ZNF335: variants seen among roughly 807,000 people sequenced by gnomAD.
The protein encoded by ZNF335 is zinc finger protein 335.
ZNF335 carries 84 observed loss-of-function variants against 145.6 expected under a neutral mutation model. The observed-to-expected ratio is 0.58, with a 90% CI of 0.48 to 0.69. The LOEUF is 0.69. Among genes scored for constraint, ZNF335 ranks in the 30% least tolerant of loss-of-function variants. The pLI, the probability that ZNF335 is intolerant of heterozygous loss-of-function variation, is 0.00. For missense variants in ZNF335, 1,865 were observed against 1,809.7 expected, an observed-to-expected ratio of 1.03 and a Z score of -0.55; for synonymous variants, 761 against 717.0, an observed-to-expected ratio of 1.06 and a Z score of -0.98.
rs1341906200 is a variant in ZNF335 at position 45,971,275 on chromosome 20, G to C, written c.136C>G (p.Pro46Ala). 6.4e-7 allele frequency: 1 copy of C among 1,572,864 alleles called. No individual in the cohort carries two copies. The highest frequency in any genetic ancestry group is 1.8e-5 in the Admixed American group (1 of 55,686). The change falls in exon 2 of 28, where the codon CCG becomes GCG. Residue 46 changes from proline (P) to alanine (A), a missense_variant. Pro to Ala is a conservative substitution (Grantham distance 27). Coordinates refer to ENST00000322927, the MANE Select transcript of ZNF335 (RefSeq NM_022095.4). The part of the protein sequence containing the change: ...SADSSDAAAA[P>A]GQAEADDSGV... ...GAGTCATCGGCCTCTGCCTGCCCCG[G>C]GGCGGCCGCGGCGTCGCTGCTGTCG...
chr20:45,960,606 TCCCA>T lies in ZNF335; in HGVS notation c.1782+6_1782+9del. ...CCCTCCTCTCAGCCCCAGCCCTGGC[TCCCA>T]CCCACCTTGTCACACATGTGGGGCT... On this transcript the variant is annotated splice_donor_region_variant and intron_variant, in intron 12 of 27. Transcript: ENST00000322927. 1 of 1,613,988 alleles carries T rather than the reference TCCCA, an allele frequency of 6.2e-7. No individual in the cohort carries two copies. Among genetic ancestry groups the T allele is most frequent in the Non-Finnish European group, 8.5e-7 (1 of 1,179,950 alleles).
chr20:45,960,779 G>A lies in ZNF335; in HGVS notation c.1666-47C>T, dbSNP rs777444605. ...CCAGATGGAGAAAGAAGTGGAGGAG[G>A]GAGGATAAAACCTCCCCTCTTGTCC... On this transcript the variant is annotated intron_variant, in intron 11 of 27. Coordinates refer to ENST00000322927, the MANE Select transcript of ZNF335 (RefSeq NM_022095.4). 7 of 1,612,186 alleles carry A rather than the reference G, an allele frequency of 4.3e-6. No homozygotes were observed. The African/African-American group carries it at 8.0e-5, about 18-fold the overall frequency.
chr20:45,969,765 T>C, intron 2 of ZNF335, 74 bp from the exon 3 acceptor site: 1 of 1,560,504 alleles, frequency 6.4e-7, no homozygotes, highest in Non-Finnish European at 8.7e-7. Context: ...CAGCTCCCAC[T>C]TGCTAGACAG....
At chr20:45,951,154 A>G (rs2083624243) in intron 20 of ZNF335, among the ~76,000 whole-genome samples, 1 of 152,212 alleles carries the variant, frequency 6.6e-6, no homozygotes, top group African/African-American at 2.4e-5. Flanking sequence ...GGCCTCCCAA[A>G]GTGCTGGGAT....
Position 45,971,398 on chromosome 20 carries a change from C to T in ZNF335, c.13G>A (p.Glu5Lys), listed in dbSNP as rs777519282. The change falls in exon 2 of 28, where the codon GAG becomes AAG. Residue 5 changes from glutamate to lysine, a missense_variant. Glu to Lys is a moderately conservative substitution (Grantham distance 56). Transcript: ENST00000322927. MEEN[E>K]VESSSDAAPG... ...GCCGCGTCGCTGCTGCTCTCCACCT[C>T]GTTCTCCTCCATCTGATCGGCGGGC... The T allele has an allele frequency of 5.0e-6, 8 of 1,600,480 alleles. No individual in the cohort carries two copies. Among genetic ancestry groups the T allele is most frequent in the Non-Finnish European group, 1.7e-6 (2 of 1,179,760 alleles).
intron 9 of ZNF335, among the ~76,000 whole-genome samples, chr20:45,963,201 G>A (rs532739670): frequency 1.2e-3 from 187 of 152,258 alleles, no homozygotes; most frequent in South Asian, 3.5e-3. Context: ...GTTTTATGGC[G>A]TCTGTGGTGG....
rs2083648709 is a variant in ZNF335, at chr20:45,952,321, G to A, written c.3015C>T (p.Pro1005=). The A allele has an allele frequency of 6.2e-7, 1 of 1,613,442 alleles. No homozygotes were observed. Residue 1005 remains proline (P), a synonymous_variant, in exon 20 of 28, where the codon CCC becomes CCT. Coordinates refer to ENST00000322927, the MANE Select transcript of ZNF335 (RefSeq NM_022095.4). ...ATSKALGLAV[P]PSPPSAATAA... ...CAGTGGCTGCAGATGGCGGTGACGG[G>A]GGCACTGCCAGGCCCAGGGCTTTGC... is the stretch of plus-strand genomic sequence containing the variant.
intron 10 of ZNF335, 135 bp from the exon 11 acceptor site, chr20:45,961,017 C>T (rs1272062016): frequency 4.2e-6 from 5 of 1,195,526 alleles, no homozygotes; most frequent in African/African-American, 1.5e-5. Flanking sequence ...TAGTGCTTCC[C>T]CAGCTGGAGT....
intron 6 of ZNF335, chr20:45,966,786 C>T (rs2083962682): frequency 6.6e-6 from 1 of 151,416 alleles, no homozygotes; most frequent in Non-Finnish European, 1.5e-5. Flanking sequence ...CTCCTGACCT[C>T]AAGTAATCTG....
At chr20:45,967,358 C>T (rs2083974257) in intron 6 of ZNF335, 136 bp downstream of exon 6, 1 of 1,375,176 alleles carries the variant, frequency 7.3e-7, no homozygotes. Flanking sequence ...CAGAGCACAA[C>T]CTCCTCTGTC....
chr20:45,963,784 G>A lies in ZNF335; in HGVS notation c.1309C>T (p.Arg437Cys), dbSNP rs935468654. The change falls in exon 8 of 28, where the codon CGC becomes TGC. Residue 437 changes from arginine (R) to cysteine (C), a missense_variant. Physicochemically the swap from Arg to Cys is radical, Grantham distance 180. Transcript: ENST00000322927. ...AAGCGCCTGGAAGGTCGACCTCGGCGCCGGGGCAGAGTGTCATGCTCATCC... is the reference window on the plus strand; with the variant it reads ...AAGCGCCTGGAAGGTCGACCTCGGCACCGGGGCAGAGTGTCATGCTCATCC... ...CPDEHDTLPR[R>C]RGRPSRRFLG... The A allele has an allele frequency of 1.9e-6, 3 of 1,614,006 alleles. No homozygotes were observed. Among genetic ancestry groups the A allele is most frequent in the Admixed American group, 1.7e-5 (1 of 60,006 alleles).
chr20:45,969,316 G>T, intron 3 of ZNF335, 135 bp downstream of exon 3: 1 of 1,155,332 alleles, frequency 8.7e-7, no homozygotes, highest in Non-Finnish European at 1.1e-6. Flanking sequence ...ACCACCATGA[G>T]ACAGGGGTGA....
rs773903393 is a variant in ZNF335, at chr20:45,967,461, G to A, written c.955+33C>T. ...CAGTGAGTATGTCTAGATGGGCATA[G>A]GGATGGCAGGCCTAGAAACCATGGT... On this transcript the variant is annotated intron_variant, in intron 6 of 27. Coordinates refer to ENST00000322927, the MANE Select transcript of ZNF335 (RefSeq NM_022095.4). 7 of 1,614,044 alleles carry A rather than the reference G, an allele frequency of 4.3e-6. No individual in the cohort carries two copies. In the South Asian group the frequency reaches 7.7e-5, roughly 18 times the overall value.
At chr20:45,961,977 G>T in intron 10 of ZNF335, 93 bp downstream of exon 10, 1 of 1,069,206 alleles carries the variant, frequency 9.4e-7, no homozygotes, top group Non-Finnish European at 1.4e-6. Flanking sequence ...CAGAGCAGGA[G>T]CACGGTAAGT....
At position 45,958,297 on chromosome 20, in the gene ZNF335, T is replaced by C. The variant is rs542577344; in HGVS notation, c.2254-369A>G. 5.3e-4 allele frequency among the ~76,000 whole-genome samples: 80 copies of C among 152,294 alleles called. No individual in the cohort carries two copies. In the South Asian group the frequency reaches 0.016, roughly 30 times the overall value. On this transcript the variant is annotated intron_variant, in intron 15 of 27. Coordinates refer to ENST00000322927, the MANE Select transcript of ZNF335 (RefSeq NM_022095.4). ...CCTGACTTCAAGTGATCCACCCACC[T>C]CGGCCTCCCAAAGTGCTGGGATTAC...
intron 2 of ZNF335, chr20:45,969,930 A>C: frequency 4.6e-6 from 2 of 431,484 alleles, no homozygotes; most frequent in Non-Finnish European, 8.2e-6. Flanking sequence ...AAGAGAAGGG[A>C]CTCCTAAGCC....
chr20:45,953,793 TAGGTC>T lies in ZNF335; in HGVS notation c.2593_2597del (p.Asp865ThrfsTer50). 1.2e-6 allele frequency: 2 copies of T among 1,614,138 alleles called. No homozygotes were observed. Among genetic ancestry groups the T allele is most frequent in the Non-Finnish European group, 1.7e-6 (2 of 1,180,018 alleles). On this transcript the variant is annotated frameshift_variant, in exon 18 of 28. Transcript: ENST00000322927. LOFTEE classifies it high-confidence loss of function. Reference sequence around the variant, plus strand: ...GACCAGGTGCCAGGGTGATCTGCGGTAGGTCAGGAGGGCCTAGCTGGCTCTCGGCT... The same window carrying T: ...GACCAGGTGCCAGGGTGATCTGCGGTAGGAGGGCCTAGCTGGCTCTCGGCT...
intron 7 of ZNF335, chr20:45,964,328 T>C: frequency 4.3e-6 from 1 of 230,680 alleles, no homozygotes; most frequent in Non-Finnish European, 8.4e-6. Context: ...GGAGTCTCAT[T>C]TGCCCCATTT....
intron 20 of ZNF335, among the ~76,000 whole-genome samples, chr20:45,951,147 C>T (rs1211084265): frequency 6.6e-6 from 1 of 152,240 alleles, no homozygotes; most frequent in Non-Finnish European, 1.5e-5. Flanking sequence ...CTGCCTCGGC[C>T]TCCCAAAGTG....
Sources: gnomAD v4.1 joint callset for allele counts (sites outside exome capture counted in the v4.1 genomes callset) on GRCh38, gnomAD v4.1.1 for gene constraint, MANE v1.5 for transcripts, NCBI Gene and HGNC (gene_info 2026-07-23, HGNC 2026-07-21) for gene names.